Variants in RP1 observed in about 807,000 individuals in gnomAD.
RP1 encodes oxygen-regulated protein 1.
In RP1, 16 loss-of-function variants were observed where a neutral mutation model predicts 14.8. That is an observed-to-expected ratio of 1.08 (90% CI 0.73 to 1.65). RP1 has a LOEUF of 1.65. Among genes scored for constraint, RP1 ranks in the 40% most tolerant of loss-of-function variants. The pLI, the probability that RP1 is intolerant of heterozygous loss-of-function variation, is 0.00. For missense variants in RP1, 2,631 were observed against 2,535.0 expected (o/e 1.04, Z -0.81); for synonymous variants, 876 against 883.6 (o/e 0.99, Z 0.15).
chr8:54,607,620 T>C (rs1006987870), intron 1 of RP1, among the ~76,000 whole-genome samples: 2 of 152,172 alleles, frequency 1.3e-5, no homozygotes, highest in Non-Finnish European at 2.9e-5. Context: ...GCCTTTTATT[T>C]GGCTATGCCC....
At chr8:54,570,332 C>T (rs1804493875) in intron 1 of RP1, among the ~76,000 whole-genome samples, 1 of 144,026 alleles carries the variant, frequency 6.9e-6, no homozygotes, top group Admixed American at 6.9e-5. Context: ...CTTTTATGTA[C>T]TTTTTTTTTT....
chr8:54,862,472 G>T (rs1812365829), intron 27 of RP1, among the ~76,000 whole-genome samples: 1 of 151,950 alleles, frequency 6.6e-6, no homozygotes, highest in African/African-American at 2.4e-5. Context: ...TTTGTCTGTG[G>T]AAATACATGT....
At chr8:54,838,416 C>T (rs566825168) in intron 25 of RP1, among the ~76,000 whole-genome samples, 20 of 151,938 alleles carry the variant, frequency 1.3e-4, no homozygotes, top group South Asian at 2.1e-4. Context: ...CCTCTTTGTT[C>T]GGAATGAAAT....
chr8:54,854,663 G>A (rs1349664426), intron 26 of RP1, among the ~76,000 whole-genome samples: 3 of 152,084 alleles, frequency 2.0e-5, no homozygotes, highest in East Asian at 1.9e-4. Context: ...TCAGGAGTTC[G>A]AGACCAGCCT....
exon 26 of RP1, chr8:54,852,658 C>A: frequency 1.2e-5 from 15 of 1,231,054 alleles, no homozygotes; most frequent in Non-Finnish European, 1.5e-5. Flanking sequence ...CTCATCGGTA[C>A]CAGAGGTGAT....
At chr8:54,783,840 G>A (rs1810250352) in intron 24 of RP1, 1 of 531,002 alleles carries the variant, frequency 1.9e-6, no homozygotes, top group African/African-American at 2.0e-5. Context: ...TGGTGTATGT[G>A]GCATGTTTTA....
At position 54,652,843 on chromosome 8, in the gene RP1, TC is replaced by T. The variant is rs1373572165; in HGVS notation, c.1019del (p.Pro340LeufsTer13). On this transcript the variant is annotated frameshift_variant, in exon 5 of 23. Coordinates refer to the RP1 transcript ENST00000636932. LOFTEE classifies it high-confidence loss of function. ...TATTGGTCATACCAACTCTGGATCC[TC>T]CCCTTCCTGGCACTGCAAGGAGGTA... The T allele has an allele frequency of 4.6e-6, 7 of 1,535,556 alleles. No homozygotes were observed. Among genetic ancestry groups the T allele is most frequent in the Non-Finnish European group, 6.1e-6 (7 of 1,146,562 alleles).
At chr8:54,690,732 C>G (rs1237312795) in intron 12 of RP1, among the ~76,000 whole-genome samples, 1 of 151,982 alleles carries the variant, frequency 6.6e-6, no homozygotes, top group Non-Finnish European at 1.5e-5. Flanking sequence ...TGCAGCAAAT[C>G]AGGGCTATTT....
Position 54,674,676 on chromosome 8 carries a change from CA to C in RP1, c.1402+751del, listed in dbSNP as rs1251786577. ...ATTAATGAAGGAATTAGGAGGTTGA[CA>C]AAGCTGGTTGAAAGGAGGTTACAAG... is the stretch of plus-strand genomic sequence containing the variant. On this transcript the variant is annotated intron_variant, in intron 8 of 22. Coordinates refer to the RP1 transcript ENST00000636932. 3.3e-5 allele frequency among the ~76,000 whole-genome samples: 5 copies of C among 151,550 alleles called. No individual in the cohort carries two copies. In the East Asian group the frequency reaches 9.7e-4, roughly 29 times the overall value.
At chr8:54,787,913 A>G (rs1478306788) in intron 24 of RP1, among the ~76,000 whole-genome samples, 1 of 152,232 alleles carries the variant, frequency 6.6e-6, no homozygotes, top group African/African-American at 2.4e-5. Context: ...TAAAGCACTT[A>G]ACATTTGTAA....
At position 54,684,790 on chromosome 8, in the gene RP1, C is replaced by T. The variant is rs556268298; in HGVS notation, c.1717+4857C>T. ...GCAGGATGTGCAGGTACATATACACCATGGAATACTATGCAGCCATAAAAA... is the reference window on the plus strand; with the variant it reads ...GCAGGATGTGCAGGTACATATACACTATGGAATACTATGCAGCCATAAAAA... On this transcript the variant is annotated intron_variant, in intron 12 of 22. Transcript: ENST00000636932. Among the ~76,000 whole-genome samples, 5 of 152,050 alleles carry T rather than the reference C, an allele frequency of 3.3e-5. No individual in the cohort carries two copies. In the South Asian group the frequency reaches 1.0e-3, roughly 32 times the overall value.
Position 54,628,208 on chromosome 8 carries a change from A to C in RP1, c.4326A>C (p.Pro1442=). ...NAYTSFDMEE[P]RTSEEPGSIT... is the part of the protein sequence containing the mutation. ...ATACTTCCTTTGATATGGAAGAACCACGGACTTCTGAAGAACCAGGCTCAA... is the reference window on the plus strand; with the variant it reads ...ATACTTCCTTTGATATGGAAGAACCCCGGACTTCTGAAGAACCAGGCTCAA... Residue 1442 remains proline (P), a synonymous_variant, in exon 4 of 4, where the codon CCA becomes CCC. Transcript: ENST00000220676. The C allele has an allele frequency of 6.2e-7, 1 of 1,614,034 alleles. No individual in the cohort carries two copies. Among genetic ancestry groups the C allele is most frequent in the Non-Finnish European group, 8.5e-7 (1 of 1,179,920 alleles).
chr8:54,706,361 G>A, intron 14 of RP1: 2 of 1,371,314 alleles, frequency 1.5e-6, no homozygotes, highest in Non-Finnish European at 2.0e-6. Flanking sequence ...TTCAGTAAGA[G>A]AATTGCCTCT....
At chr8:54,673,762 C>CAAT (rs1199657307) in intron 7 of RP1, 3 of 1,160,676 alleles carry the variant, frequency 2.6e-6, no homozygotes, top group Non-Finnish European at 2.4e-6. Context: ...ACAACAACAA[C>CAAT]AACAACAAAC....
chr8:54,722,517 GC>G (rs1808561595), intron 16 of RP1, among the ~76,000 whole-genome samples: 1 of 152,008 alleles, frequency 6.6e-6, no homozygotes, highest in African/African-American at 2.4e-5. Flanking sequence ...TGATCCGCCC[GC>G]CTCGGCCTCC....
At chr8:54,853,503 C>G (rs770651417) in intron 26 of RP1, among the ~76,000 whole-genome samples, 6 of 152,184 alleles carry the variant, frequency 3.9e-5, no homozygotes, top group Non-Finnish European at 5.9e-5. Flanking sequence ...GGGGACAGAA[C>G]TCATGTCTTA....
At chr8:54,741,707 G>GTGTGTATA (rs1554528860) in intron 19 of RP1, among the ~76,000 whole-genome samples, 5 of 58,034 alleles carry the variant, frequency 8.6e-5, no homozygotes, top group African/African-American at 3.7e-4. Flanking sequence ...AAATGTGTGT[G>GTGTGTATA]TATATATATA....
intron 24 of RP1, among the ~76,000 whole-genome samples, chr8:54,810,617 T>A (rs1810968198): frequency 6.6e-6 from 1 of 152,210 alleles, no homozygotes; most frequent in Non-Finnish European, 1.5e-5. Flanking sequence ...GGTCCATGTG[T>A]TCCTTTTTCA....
intron 15 of RP1, among the ~76,000 whole-genome samples, chr8:54,715,067 G>C (rs922404831): frequency 6.6e-6 from 1 of 152,252 alleles, no homozygotes; most frequent in Non-Finnish European, 1.5e-5. Flanking sequence ...ATCCCAAACT[G>C]TACAGCAAGA....
Sources: allele counts gnomAD v4.1 joint callset (sites outside exome capture counted in the v4.1 genomes callset), GRCh38; gene constraint gnomAD v4.1.1; transcripts MANE v1.5; gene names NCBI Gene and HGNC (gene_info 2026-07-23, HGNC 2026-07-21).